MDN1: variants seen among roughly 807,000 people sequenced by gnomAD.
The protein encoded by MDN1 is midasin AAA ATPase 1.
MDN1 carries 266 observed loss-of-function variants against 669.2 expected under a neutral mutation model. The observed-to-expected ratio is 0.40, with a 90% CI of 0.36 to 0.44. MDN1 has a LOEUF of 0.44. MDN1 is among the 20% of genes least tolerant of loss of function. The pLI is 1.00. For missense variants in MDN1, 5,940 were observed against 6,754.0 expected, an observed-to-expected ratio of 0.88 and a Z score of 4.22; for synonymous variants, 2,385 against 2,457.1, an observed-to-expected ratio of 0.97 and a Z score of 0.87.
chr6:89,809,784 T>TA (rs370925781), intron 1 of MDN1, among the ~76,000 whole-genome samples: 3 of 112,598 alleles, frequency 2.7e-5, no homozygotes, highest in African/African-American at 7.0e-5. Context: ...TCAAAATAAA[T>TA]AAATAAAATA....
At position 89,743,296 on chromosome 6, in the gene MDN1, G is replaced by A; in HGVS notation, c.4318-16C>T. 1 of 1,613,928 alleles carries A rather than the reference G, an allele frequency of 6.2e-7. No homozygotes were observed. Among genetic ancestry groups the A allele is most frequent in the Non-Finnish European group, 8.5e-7 (1 of 1,179,912 alleles). ...CAATTTCTTCCTATAATTTGAAAAA[G>A]TGGGGAAAATTAAAGGGCAGGTGGC... On this transcript the variant is annotated splice_polypyrimidine_tract_variant and intron_variant, in intron 30 of 101. Transcript: ENST00000369393.
At chr6:89,697,364 T>C (rs993547811) in intron 59 of MDN1, among the ~76,000 whole-genome samples, 4 of 152,066 alleles carry the variant, frequency 2.6e-5, no homozygotes, top group Non-Finnish European at 4.4e-5. Context: ...CTCGAAGTGA[T>C]GGAGGAAGAA....
chr6:89,700,724 G>T lies in MDN1; in HGVS notation c.8560C>A (p.Gln2854Lys), dbSNP rs1447385275. 1.2e-5 allele frequency: 19 copies of T among 1,614,026 alleles called. No homozygotes were observed. The highest frequency in any genetic ancestry group is 1.4e-5 in the Non-Finnish European group (17 of 1,180,040). The change falls in exon 56 of 102, where the codon CAG becomes AAG. Residue 2854 changes from glutamine to lysine, a missense_variant. By Grantham distance (53) the Gln-to-Lys change is moderately conservative. This residue lies in a region of MDN1 where 2,292 missense variants were observed against 2,638.3 expected (regional missense o/e 0.87). Coordinates refer to ENST00000369393, the MANE Select transcript of MDN1 (RefSeq NM_014611.3). ...DINRLQVVAS[Q>K]WTLKKSLLQA... The stretch of plus-strand genomic sequence containing the variant: ...AGGAGACTTTTCTTTAATGTCCACT[G>T]AGAAGCAACCACTTGGAGACGGTTA...
chr6:89,690,718 C>G lies in MDN1; in HGVS notation c.10704G>C (p.Glu3568Asp). 6.2e-7 allele frequency: 1 copy of G among 1,614,130 alleles called. No homozygotes were observed. The highest frequency in any genetic ancestry group is 1.1e-5 in the South Asian group (1 of 91,084). ...RNSRTALSEE[E>D]EEEREFRKQF... is the part of the protein sequence containing the mutation. Reference sequence around the variant, plus strand: ...GTTTTCTGAACTCCCGTTCTTCCTCCTCCTCTTCACTCAGGGCTGTCCTAG... The same window carrying G: ...GTTTTCTGAACTCCCGTTCTTCCTCGTCCTCTTCACTCAGGGCTGTCCTAG... Residue 3568 changes from glutamate to aspartate, a missense_variant, in exon 64 of 102, where the codon GAG becomes GAC. Transcript: ENST00000369393.
chr6:89,677,471 T>C, intron 76 of MDN1, 99 bp downstream of exon 76: 1 of 1,463,958 alleles, frequency 6.8e-7, no homozygotes, highest in Non-Finnish European at 9.3e-7. Flanking sequence ...ACAGTGGTAT[T>C]GCTATCCCTA....
In MDN1 at chr6:89,683,280, C is replaced by T; in HGVS notation, c.11954G>A (p.Cys3985Tyr). 6.2e-7 allele frequency: 1 copy of T among 1,614,110 alleles called. No individual in the cohort carries two copies. The highest frequency in any genetic ancestry group is 8.5e-7 in the Non-Finnish European group (1 of 1,180,016). The change falls in exon 73 of 102, where the codon TGC becomes TAC. Residue 3985 changes from cysteine (C) to tyrosine (Y), a missense_variant. This residue lies in a region of MDN1 where 2,280 missense variants were observed against 2,576.3 expected (regional missense o/e 0.88). Transcript: ENST00000369393. The part of the protein sequence containing the change: ...KKFEAVLSEP[C>Y]RSSLVESDKE... ...GTCACTCTCCACCAGGGATGACCGGCAGGGTTCACTCAGGACTGCTTCAAA... is the reference window on the plus strand; with the variant it reads ...GTCACTCTCCACCAGGGATGACCGGTAGGGTTCACTCAGGACTGCTTCAAA...
In MDN1 at chr6:89,699,679, G is replaced by A; in HGVS notation, c.8919C>T (p.Leu2973=). The A allele has an allele frequency of 6.2e-7, 1 of 1,613,866 alleles. No individual in the cohort carries two copies. Among genetic ancestry groups the A allele is most frequent in the Non-Finnish European group, 8.5e-7 (1 of 1,179,786 alleles). The change falls in exon 58 of 102, where the codon CTC becomes CTT. Residue 2973 remains leucine, a synonymous_variant. Transcript: ENST00000369393. Reference sequence around the variant, plus strand: ...GTGTGTGATAAAGACAAAATGAGATGAGGTGACTTATCTCCTCATTTATCT... The same window carrying A: ...GTGTGTGATAAAGACAAAATGAGATAAGGTGACTTATCTCCTCATTTATCT... ...QPQINEEISH[L]ISFCLYHTPV...
chr6:89,656,648 T>A, intron 91 of MDN1, 52 bp downstream of exon 91: 11 of 1,198,910 alleles, frequency 9.2e-6, no homozygotes, highest in Non-Finnish European at 1.3e-5. Context: ...GTTTGGAACA[T>A]CTTTTTCTAC....
At chr6:89,814,792 C>T (rs944323348) in intron 1 of MDN1, 11 of 442,172 alleles carry the variant, frequency 2.5e-5, no homozygotes, top group African/African-American at 8.2e-5. Flanking sequence ...GGGAGATCTC[C>T]GCCAGGGCCC....
chr6:89,764,039 G>A (rs1003455515), intron 15 of MDN1, among the ~76,000 whole-genome samples: 2 of 152,084 alleles, frequency 1.3e-5, no homozygotes, highest in African/African-American at 4.8e-5. Context: ...ACAAAGCCAA[G>A]ATCTTGTCTC....
Position 89,744,122 on chromosome 6 carries a change from A to AAAAAC in MDN1, c.4179-409_4179-408insGTTTT, listed in dbSNP as rs1554190576. On this transcript the variant is annotated intron_variant, in intron 29 of 101. Coordinates refer to ENST00000369393, the MANE Select transcript of MDN1 (RefSeq NM_014611.3). ...CCTTCTTAAAAAAAAAAAAAAAAAA[A>AAAAAC]AAAAAAAAACCACCACCAAGAGAGG... is the stretch of plus-strand genomic sequence containing the variant. Among the ~76,000 whole-genome samples, 88 of 122,576 alleles carry AAAAAC rather than the reference A, an allele frequency of 7.2e-4. 5 individuals carry two copies. The highest frequency in any genetic ancestry group is 5.2e-4 in the Non-Finnish European group (30 of 58,218). The allele number at this position is 122,576 out of a possible 152,430, so 80.4% of individuals were successfully genotyped here.
intron 40 of MDN1, among the ~76,000 whole-genome samples, chr6:89,719,493 A>C (rs1814663607): frequency 6.6e-6 from 1 of 152,240 alleles, no homozygotes; most frequent in African/African-American, 2.4e-5. Context: ...ATTAAATTGA[A>C]GCCATGGACA....
Position 89,729,106 on chromosome 6 carries a change from T to C in MDN1, c.5174A>G (p.Tyr1725Cys), listed in dbSNP as rs1227182070. The change falls in exon 36 of 102, where the codon TAT (tyrosine) becomes TGT (cysteine). Residue 1725 changes from tyrosine (Y) to cysteine (C), a missense_variant. This residue lies in a region of MDN1 where 2,292 missense variants were observed against 2,638.3 expected (regional missense o/e 0.87). Transcript: ENST00000369393. ...PVLHRNNIAD[Y>C]ALSAGTTAMN... is the part of the protein sequence containing the mutation. The stretch of plus-strand genomic sequence containing the variant: ...AGCAGTGGTCCCTGCACTGAGTGCA[T>C]AGTCTGCAATATTATTCCTGTGTAG... 1.2e-6 allele frequency: 2 copies of C among 1,613,550 alleles called. No homozygotes were observed. The highest frequency in any genetic ancestry group is 1.3e-5 in the African/African-American group (1 of 74,926).
Position 89,700,698 on chromosome 6 carries a change from CAGG to C in MDN1, c.8583_8585del (p.Leu2862del). On this transcript the variant is annotated inframe_deletion, in exon 56 of 102. Transcript: ENST00000369393. Reference sequence around the variant, plus strand: ...CTCTGAGGATCAGTCCCCAGGCTTGCAGGAGACTTTTCTTTAATGTCCACTGAG... The same window carrying C: ...CTCTGAGGATCAGTCCCCAGGCTTGCAGACTTTTCTTTAATGTCCACTGAG... 1.2e-6 allele frequency: 2 copies of C among 1,614,196 alleles called. No homozygotes were observed. The highest frequency in any genetic ancestry group is 1.7e-6 in the Non-Finnish European group (2 of 1,180,034).
chr6:89,807,151 A>G (rs74879573), intron 1 of MDN1, among the ~76,000 whole-genome samples: 5,057 of 152,022 alleles, frequency 0.033, 219 homozygotes, highest in East Asian at 0.22. Context: ...GAGTTCTTTG[A>G]TATCAGCTCA....
At chr6:89,790,132 C>T in intron 6 of MDN1, 27 bp downstream of exon 6, 2 of 1,613,390 alleles carry the variant, frequency 1.2e-6, no homozygotes, top group Non-Finnish European at 1.7e-6. Flanking sequence ...CATGACAAGC[C>T]ACCAAAACTT....
At chr6:89,728,067 C>G in intron 36 of MDN1, 112 bp from the exon 37 acceptor site, 1 of 1,263,502 alleles carries the variant, frequency 7.9e-7, no homozygotes, top group East Asian at 2.5e-5. Flanking sequence ...ACTACTCTTC[C>G]TTCCTACACC....
intron 31 of MDN1, 22 bp from the exon 32 acceptor site, chr6:89,740,400 A>T: frequency 6.4e-7 from 1 of 1,565,048 alleles, no homozygotes. Context: ...ATTGAAGAAC[A>T]GTGAAAAGGG....
At chr6:89,762,190 C>T (rs2128320919) in intron 16 of MDN1, 129 bp downstream of exon 16, 1 of 741,040 alleles carries the variant, frequency 1.3e-6, no homozygotes, top group South Asian at 1.9e-5. Flanking sequence ...CAATACTTCA[C>T]AATTAGTCAC....
Sources: allele counts gnomAD v4.1 joint callset (sites outside exome capture counted in the v4.1 genomes callset), GRCh38; gene constraint gnomAD v4.1.1; regional missense constraint gnomAD v4.1.1; transcripts MANE v1.5; gene names NCBI Gene and HGNC (gene_info 2026-07-23, HGNC 2026-07-21).